Variants in PPP1R16B observed in about 807,000 individuals in gnomAD.
PPP1R16B encodes the protein protein phosphatase 1 regulatory inhibitor subunit 16B.
Under a neutral mutation model 61.7 loss-of-function variants are expected in PPP1R16B, and 14 were observed. That is an observed-to-expected ratio of 0.23 (90% CI 0.15 to 0.35). The LOEUF (loss-of-function observed/expected upper bound fraction) is 0.35, where lower values mean the gene tolerates loss of function less well. Ranked by LOEUF, PPP1R16B falls within the 10% of genes least tolerant of loss-of-function variation. PPP1R16B has a pLI of 1.00. For missense variants in PPP1R16B, 547 were observed against 752.5 expected (o/e 0.73, Z 3.19); for synonymous variants, 266 against 305.3 (o/e 0.87, Z 1.34).
intron 2 of PPP1R16B, among the ~76,000 whole-genome samples, chr20:38,862,470 A>C (rs1334881590): frequency 1.3e-5 from 2 of 152,204 alleles, no homozygotes; most frequent in Non-Finnish European, 2.9e-5. Context: ...CCCCCGACAC[A>C]ACCCTACCAC....
At chr20:38,897,563 A>G (rs947939807) in intron 4 of PPP1R16B, among the ~76,000 whole-genome samples, 1 of 152,244 alleles carries the variant, frequency 6.6e-6, no homozygotes, top group Non-Finnish European at 1.5e-5. Context: ...TGTGACGAAC[A>G]TGAGTGTACA....
chr20:38,885,036 C>CAAAAAAA (rs71330453), intron 2 of PPP1R16B, among the ~76,000 whole-genome samples: 37 of 67,712 alleles, frequency 5.5e-4, no homozygotes, highest in Non-Finnish European at 6.2e-4. Context: ...AACTCTGTCT[C>CAAAAAAA]AAAAAAAAAA....
chr20:38,841,038 G>A (rs541880421), intron 2 of PPP1R16B, among the ~76,000 whole-genome samples: 2 of 152,126 alleles, frequency 1.3e-5, no homozygotes, highest in African/African-American at 4.8e-5. Context: ...TTTGTACCAG[G>A]CAGCTTGCCT....
rs1258270176 is a variant in PPP1R16B at position 38,895,703 on chromosome 20, G to C, written c.460G>C (p.Val154Leu). 2.5e-6 allele frequency: 4 copies of C among 1,613,864 alleles called. No individual in the cohort carries two copies. In the Admixed American group the frequency reaches 5.0e-5, roughly 20 times the overall value. Reference sequence around the variant, plus strand: ...CCACATCAACCTGGTGAAGATCCTCGTTCAGTAGTACGTGCCCCTCCCTGC... The same window carrying C: ...CCACATCAACCTGGTGAAGATCCTCCTTCAGTAGTACGTGCCCCTCCCTGC... ...CGHINLVKIL[V>L]QYGADLLAVN... is the part of the protein sequence containing the mutation. Residue 154 changes from valine (V) to leucine (L), a missense_variant, in exon 4 of 11, where the codon GTT (valine) becomes CTT (leucine). Transcript: ENST00000299824.
chr20:38,812,391 G>A (rs2084706833), intron 1 of PPP1R16B, among the ~76,000 whole-genome samples: 1 of 152,196 alleles, frequency 6.6e-6, no homozygotes. Flanking sequence ...CCCACTGAAT[G>A]GCTATTTTCC....
intron 1 of PPP1R16B, among the ~76,000 whole-genome samples, chr20:38,810,539 C>T (rs2084694048): frequency 6.6e-6 from 1 of 152,210 alleles, no homozygotes; most frequent in Non-Finnish European, 1.5e-5. Flanking sequence ...GGTCCACTCC[C>T]TCTTCCTGAG....
At chr20:38,818,492 G>A (rs1342274538) in intron 1 of PPP1R16B, among the ~76,000 whole-genome samples, 1 of 152,186 alleles carries the variant, frequency 6.6e-6, no homozygotes, top group East Asian at 1.9e-4. Flanking sequence ...GGCAGTGGGA[G>A]CCATCAGATG....
At chr20:38,859,640 T>C (rs1212405860) in intron 2 of PPP1R16B, among the ~76,000 whole-genome samples, 2 of 152,086 alleles carry the variant, frequency 1.3e-5, no homozygotes, top group Admixed American at 6.5e-5. Flanking sequence ...TACAGGCACA[T>C]GCCACCACAC....
intron 2 of PPP1R16B, among the ~76,000 whole-genome samples, chr20:38,837,859 A>G (rs2084882903): frequency 1.3e-5 from 2 of 152,122 alleles, no homozygotes. Context: ...ATGTTTCCAG[A>G]TTTTATGGAT....
chr20:38,914,988 C>T (rs1360842811), intron 10 of PPP1R16B, among the ~76,000 whole-genome samples: 1 of 151,996 alleles, frequency 6.6e-6, no homozygotes, highest in Non-Finnish European at 1.5e-5. Flanking sequence ...TCTTTTTAAA[C>T]TAATAGATTT....
chr20:38,891,905 C>T (rs73287157), intron 3 of PPP1R16B, among the ~76,000 whole-genome samples: 1,804 of 152,248 alleles, frequency 0.012, 34 homozygotes, highest in African/African-American at 0.041. Context: ...TTCTGTGTTT[C>T]TGCAGTGCAC....
chr20:38,835,161 G>A (rs1194842128), intron 1 of PPP1R16B, among the ~76,000 whole-genome samples: 1 of 152,216 alleles, frequency 6.6e-6, no homozygotes, highest in African/African-American at 2.4e-5. Flanking sequence ...ATAGTGTATT[G>A]TTTCTTCTGG....
At chr20:38,847,907 C>A (rs1440036033) in intron 2 of PPP1R16B, among the ~76,000 whole-genome samples, 1 of 152,046 alleles carries the variant, frequency 6.6e-6, no homozygotes, top group East Asian at 1.9e-4. Flanking sequence ...TATTGTCAAA[C>A]CTAATGATAC....
rs1471289374 is a variant in PPP1R16B at position 38,918,581 on chromosome 20, C to T, written c.1619C>T (p.Thr540Ile). The change falls in exon 11 of 11, where the codon ACC becomes ATC. Residue 540 changes from threonine to isoleucine, a missense_variant. Transcript: ENST00000299824. The surrounding 1 kb of genome is among the most constrained non-coding windows in gnomAD (Gnocchi z 5.3). ...GGGACCTCGGTATATTACACGGTCA[C>T]CAGCGGAGATCCCCCACTCTTAAAG... ...SNGTSVYYTV[T>I]SGDPPLLKFK... The T allele has an allele frequency of 6.5e-7, 1 of 1,536,356 alleles. No homozygotes were observed. Among genetic ancestry groups the T allele is most frequent in the East Asian group, 2.3e-5 (1 of 44,242 alleles).
chr20:38,807,549 C>T (rs1279342192), intron 1 of PPP1R16B, among the ~76,000 whole-genome samples: 1 of 152,152 alleles, frequency 6.6e-6, no homozygotes, highest in African/African-American at 2.4e-5. Context: ...AGCCAGCTTG[C>T]AGGAGGCCGG....
In PPP1R16B at chr20:38,918,265, T is replaced by C. The variant is rs779011932; in HGVS notation, c.1303T>C (p.Tyr435His). 1.1e-5 allele frequency: 18 copies of C among 1,614,112 alleles called. No homozygotes were observed. In the South Asian group the frequency reaches 1.8e-4, roughly 16 times the overall value. The change falls in exon 11 of 11, where the codon TAC becomes CAC. Residue 435 changes from tyrosine (Y) to histidine (H), a missense_variant. Coordinates refer to ENST00000299824, the MANE Select transcript of PPP1R16B (RefSeq NM_015568.4). This position sits in a 1 kb window ranked among gnomAD's most constrained non-coding sequence, Gnocchi z 5.3. ...ENGLRAPVSA[Y>H]QYALANGDVW... ...TGGCCTCCGGGCTCCGGTCAGTGCC[T>C]ACCAGTATGCGCTGGCCAACGGGGA...
chr20:38,859,291 T>C (rs1237756202), intron 2 of PPP1R16B, among the ~76,000 whole-genome samples: 1 of 151,506 alleles, frequency 6.6e-6, no homozygotes, highest in Non-Finnish European at 1.5e-5. Context: ...TAGTGCGGGT[T>C]CCTTTTTTTT....
At position 38,920,441 on chromosome 20, in the gene PPP1R16B, G is replaced by A. The variant is rs1212207012; in HGVS notation, c.*1775G>A. The A allele has an allele frequency of 6.6e-6, 1 of 152,604 alleles. No individual in the cohort carries two copies. The highest frequency in any genetic ancestry group is 2.4e-5 in the African/African-American group (1 of 41,442). The allele number at this position is 152,604 out of a possible 1,614,324, so 9.5% of individuals were successfully genotyped here. A position where few individuals can be genotyped will look rare whatever the true frequency, so the allele number is the denominator to read the frequency against. On this transcript the variant is annotated 3_prime_UTR_variant, in exon 11 of 11. Transcript: ENST00000299824. ...TTGCCCTGAGGGGCACCTGGGCTAG[G>A]GGCTTGGGACTGGAAGACCATCCCC...
At chr20:38,886,064 C>A (rs555407587) in intron 2 of PPP1R16B, among the ~76,000 whole-genome samples, 1 of 152,212 alleles carries the variant, frequency 6.6e-6, no homozygotes, top group Non-Finnish European at 1.5e-5. Context: ...GCATGAGCCA[C>A]CGTGCCTGGC....
Sources: allele counts gnomAD v4.1 joint callset (sites outside exome capture counted in the v4.1 genomes callset), GRCh38; gene constraint gnomAD v4.1.1; non-coding constraint Gnocchi (gnomAD v3.1); transcripts MANE v1.5; gene names NCBI Gene and HGNC (gene_info 2026-07-23, HGNC 2026-07-21).